IGDCC3: variants seen among roughly 807,000 people sequenced by gnomAD.
IGDCC3 encodes immunoglobulin superfamily DCC subclass member 3.
In IGDCC3, 47 loss-of-function variants were observed where a neutral mutation model predicts 72.0. The ratio of observed to expected loss-of-function variants is 0.65; its 90% CI spans 0.52 to 0.83. The LOEUF is 0.83. Among genes scored for constraint, IGDCC3 ranks in the 40% least tolerant of loss-of-function variants. IGDCC3 has a pLI of 0.00. For synonymous variants in IGDCC3, 477 were observed against 472.8 expected (o/e 1.01, Z -0.11); for missense variants, 1,038 against 1,091.3 (o/e 0.95, Z 0.69).
intron 2 of IGDCC3, chr15:65,356,468 G>T (rs1029196957): frequency 6.6e-6 from 1 of 152,168 alleles, no homozygotes; most frequent in Non-Finnish European, 1.5e-5. Flanking sequence ...GCTCCTGGAA[G>T]CCAAGGCACC....
chr15:65,367,623 C>T (rs188851207), intron 2 of IGDCC3, among the ~76,000 whole-genome samples: 19 of 152,228 alleles, frequency 1.2e-4, no homozygotes, highest in Non-Finnish European at 2.1e-4. Context: ...TAAGGCCTCC[C>T]GCCACCCGCT....
At position 65,327,565 on chromosome 15, in the gene IGDCC3, A is replaced by T. The variant is rs891979753; in HGVS notation, c.*1344T>A. 6.6e-6 allele frequency: 1 copy of T among 152,350 alleles called. No individual in the cohort carries two copies. Among genetic ancestry groups the T allele is most frequent in the African/African-American group, 2.4e-5 (1 of 41,450 alleles). 9.4% of individuals were successfully genotyped at this position (152,350 alleles called of 1,614,324 possible). On this transcript the variant is annotated 3_prime_UTR_variant, in exon 14 of 14. Transcript: ENST00000327987. ...ATTTAAAAAAATGTTTCTGAGTATAACCAAAAATAGGTATTTGTTTCCTTG... is the reference window on the plus strand; with the variant it reads ...ATTTAAAAAAATGTTTCTGAGTATATCCAAAAATAGGTATTTGTTTCCTTG...
intron 2 of IGDCC3, among the ~76,000 whole-genome samples, chr15:65,370,620 G>GTATATATATATATATATATATATATA (rs71136346): frequency 1.1e-5 from 1 of 94,592 alleles, no homozygotes; most frequent in Admixed American, 1.0e-4. Flanking sequence ...ATATGTATGT[G>GTATATATATATATATATATATATATA]TATATATATA....
At chr15:65,344,707 A>G (rs2140149873) in intron 2 of IGDCC3, among the ~76,000 whole-genome samples, 1 of 152,238 alleles carries the variant, frequency 6.6e-6, no homozygotes, top group African/African-American at 2.4e-5. Context: ...GGGGAATAAA[A>G]CCGCTTAAAG....
intron 2 of IGDCC3, among the ~76,000 whole-genome samples, chr15:65,363,067 C>T (rs1304941534): frequency 6.6e-6 from 1 of 151,952 alleles, no homozygotes; most frequent in African/African-American, 2.4e-5. Context: ...ACCATGTTGG[C>T]TGGTCTGGTC....
intron 2 of IGDCC3, among the ~76,000 whole-genome samples, chr15:65,337,067 C>A (rs999798504): frequency 1.3e-5 from 2 of 152,166 alleles, no homozygotes; most frequent in African/African-American, 4.8e-5. Context: ...CTCCTGGCTC[C>A]CTGGTGTGGG....
At chr15:65,331,344 C>T (rs982917972) in intron 8 of IGDCC3, 68 bp downstream of exon 8, 18 of 1,567,166 alleles carry the variant, frequency 1.1e-5, no homozygotes, top group South Asian at 7.2e-5. Flanking sequence ...CGGGTCACGA[C>T]GTGCAGGATT....
Position 65,362,613 on chromosome 15 carries a change from A to C in IGDCC3, c.409+12484T>G, listed in dbSNP as rs190353477. 6.9e-3 allele frequency among the ~76,000 whole-genome samples: 1,043 copies of C among 152,120 alleles called. 8 individuals are homozygous for C. Among genetic ancestry groups the C allele is most frequent in the South Asian group, 0.015 (71 of 4,824 alleles). ...CACACTCCAGAAATGCCTGGGCCTT[A>C]CTCATCCTCTCCCCTTCAGAATGAC... On this transcript the variant is annotated intron_variant, in intron 2 of 13. Transcript: ENST00000327987.
In IGDCC3 at chr15:65,328,759, C is replaced by G; in HGVS notation, c.*150G>C. On this transcript the variant is annotated 3_prime_UTR_variant, in exon 14 of 14. Coordinates refer to ENST00000327987, the MANE Select transcript of IGDCC3 (RefSeq NM_004884.4). ...GGCCGGGGGGTCCCTGTCAAGGCTGCCTTGGGTTTTGACAACCCAAGAGGC... is the reference window on the plus strand; with the variant it reads ...GGCCGGGGGGTCCCTGTCAAGGCTGGCTTGGGTTTTGACAACCCAAGAGGC... 3 of 992,262 alleles carry G rather than the reference C, an allele frequency of 3.0e-6. No individual in the cohort carries two copies. 61.5% of individuals were successfully genotyped at this position (992,262 alleles called of 1,614,324 possible).
At chr15:65,350,307 T>C (rs1040871392) in intron 2 of IGDCC3, among the ~76,000 whole-genome samples, 1 of 151,822 alleles carries the variant, frequency 6.6e-6, no homozygotes, top group Non-Finnish European at 1.5e-5. Flanking sequence ...ATTTTTGTAT[T>C]TGTAGTAGAG....
At chr15:65,365,930 G>A (rs956804291) in intron 2 of IGDCC3, among the ~76,000 whole-genome samples, 12 of 152,250 alleles carry the variant, frequency 7.9e-5, no homozygotes, top group Non-Finnish European at 1.6e-4. Flanking sequence ...AAATTTGGCC[G>A]GGTGCAGTGG....
intron 2 of IGDCC3, among the ~76,000 whole-genome samples, chr15:65,341,728 A>C (rs911667499): frequency 6.6e-6 from 1 of 152,212 alleles, no homozygotes; most frequent in Non-Finnish European, 1.5e-5. Context: ...ATCATCAACC[A>C]TCCCATGTCT....
intron 2 of IGDCC3, among the ~76,000 whole-genome samples, chr15:65,345,947 G>C (rs550551134): frequency 1.3e-5 from 2 of 152,126 alleles, no homozygotes; most frequent in South Asian, 4.1e-4. Context: ...TGTCCTCAGC[G>C]GGGAAATACA....
chr15:65,361,457 A>G (rs2091260737), intron 2 of IGDCC3, among the ~76,000 whole-genome samples: 1 of 151,654 alleles, frequency 6.6e-6, no homozygotes. Context: ...GTCGAAAAAA[A>G]AAAAAGAAAA....
In IGDCC3 at chr15:65,329,779, C is replaced by T. The variant is rs768019642; in HGVS notation, c.1944G>A (p.Gly648=). Residue 648 remains glycine (G), a synonymous_variant, in exon 12 of 14, where the codon GGG becomes GGA. Coordinates refer to ENST00000327987, the MANE Select transcript of IGDCC3 (RefSeq NM_004884.4). This position sits in a 1 kb window ranked among gnomAD's most constrained non-coding sequence, Gnocchi z 4.1. ...TTGIVIGIHI[G]VTCIIFCVLF... ...GGACACAGAAGATGATGCAAGTGAC[C>T]CCGATGTGGATGCCGATGACGATGC... is the stretch of plus-strand genomic sequence containing the variant. 20 of 1,614,148 alleles carry T rather than the reference C, an allele frequency of 1.2e-5. No individual in the cohort carries two copies. Among genetic ancestry groups the T allele is most frequent in the Non-Finnish European group, 1.4e-5 (17 of 1,180,028 alleles).
At chr15:65,343,725 C>A (rs2091102438) in intron 2 of IGDCC3, among the ~76,000 whole-genome samples, 1 of 152,230 alleles carries the variant, frequency 6.6e-6, no homozygotes, top group Non-Finnish European at 1.5e-5. Context: ...GCTAGTGGGG[C>A]ACAGCTGGGG....
At chr15:65,336,687 T>G (rs1220448399) in intron 2 of IGDCC3, among the ~76,000 whole-genome samples, 2 of 152,162 alleles carry the variant, frequency 1.3e-5, no homozygotes, top group East Asian at 3.9e-4. Context: ...TCCCCACCTT[T>G]TGGGGATCTG....
chr15:65,353,239 CTCCT>C (rs771443438), intron 2 of IGDCC3, among the ~76,000 whole-genome samples: 46 of 146,176 alleles, frequency 3.1e-4, no homozygotes, highest in Non-Finnish European at 4.8e-4. Context: ...CCCTCCCTCC[CTCCT>C]TCCTTCCTTC....
intron 2 of IGDCC3, among the ~76,000 whole-genome samples, chr15:65,348,620 C>G (rs1190516957): frequency 6.6e-6 from 1 of 152,112 alleles, no homozygotes; most frequent in Non-Finnish European, 1.5e-5. Flanking sequence ...TAGAGTCTCT[C>G]CAAGACAGAG....
Sources: allele counts gnomAD v4.1 joint callset (sites outside exome capture counted in the v4.1 genomes callset), GRCh38; gene constraint gnomAD v4.1.1; non-coding constraint Gnocchi (gnomAD v3.1); transcripts MANE v1.5; gene names NCBI Gene and HGNC (gene_info 2026-07-23, HGNC 2026-07-21).